MED13L: variants seen among roughly 807,000 people sequenced by gnomAD.
MED13L encodes the protein mediator of RNA polymerase II transcription subunit 13-like.
Under a neutral mutation model 220.9 loss-of-function variants are expected in MED13L, and 7 were observed. The observed-to-expected ratio is 0.03, with a 90% confidence interval of 0.02 to 0.06. The LOEUF (loss-of-function observed/expected upper bound fraction) is 0.06, where lower values mean the gene tolerates loss of function less well. MED13L is among the 10% of genes least tolerant of loss of function. The pLI is 1.00. For synonymous variants in MED13L, 1,011 were observed against 1,015.2 expected, an observed-to-expected ratio of 1.00 and a Z score of 0.08; for missense variants, 1,965 against 2,760.5, an observed-to-expected ratio of 0.71 and a Z score of 6.46.
intron 4 of MED13L, among the ~76,000 whole-genome samples, chr12:116,053,917 A>G (rs1868721674): frequency 6.6e-6 from 1 of 152,288 alleles, no homozygotes; most frequent in South Asian, 2.1e-4. Flanking sequence ...CAAGGAGTTA[A>G]AGTAACTTCC....
intron 4 of MED13L, among the ~76,000 whole-genome samples, chr12:116,043,943 A>C (rs939088732): frequency 1.3e-5 from 2 of 152,262 alleles, no homozygotes; most frequent in African/African-American, 4.8e-5. Flanking sequence ...TCAATGTAAT[A>C]TTCATGTGTA....
intron 2 of MED13L, among the ~76,000 whole-genome samples, chr12:116,152,574 T>C (rs911652203): frequency 5.9e-5 from 9 of 152,052 alleles, no homozygotes; most frequent in East Asian, 1.9e-4. Flanking sequence ...CAGAGGGGCA[T>C]AGAGGTAAAG....
At chr12:116,027,032 C>T (rs1165245287) in intron 4 of MED13L, among the ~76,000 whole-genome samples, 2 of 152,154 alleles carry the variant, frequency 1.3e-5, no homozygotes, top group Admixed American at 6.5e-5. Context: ...ATACACCCAG[C>T]TGTATAAAAT....
intron 2 of MED13L, among the ~76,000 whole-genome samples, chr12:116,157,935 C>T (rs937572510): frequency 2.6e-5 from 4 of 152,292 alleles, no homozygotes; most frequent in Admixed American, 2.6e-4. Flanking sequence ...GCAATGATTA[C>T]ATATAAGATG....
intron 1 of MED13L, among the ~76,000 whole-genome samples, chr12:116,246,615 C>T (rs983447439): frequency 1.3e-5 from 2 of 148,940 alleles, no homozygotes; most frequent in Non-Finnish European, 3.0e-5. Context: ...TGAGACCAGC[C>T]TGGGCAAGAC....
intron 2 of MED13L, among the ~76,000 whole-genome samples, chr12:116,131,164 A>G (rs1048656324): frequency 7.2e-5 from 11 of 152,236 alleles, no homozygotes; most frequent in Admixed American, 5.9e-4. Flanking sequence ...GAACCACTGA[A>G]GAAGACAGTC....
At chr12:116,275,735 T>C (rs1446532135) in intron 1 of MED13L, among the ~76,000 whole-genome samples, 3 of 152,146 alleles carry the variant, frequency 2.0e-5, no homozygotes, top group Non-Finnish European at 4.4e-5. Context: ...CAAAAGGGAC[T>C]CACCTCCCCC....
At chr12:116,040,819 G>T (rs1302931743) in intron 4 of MED13L, among the ~76,000 whole-genome samples, 1 of 151,930 alleles carries the variant, frequency 6.6e-6, no homozygotes, top group East Asian at 1.9e-4. Context: ...AAATGAAAGG[G>T]GATTTTAACT....
chr12:116,177,948 C>T (rs1265862775), intron 2 of MED13L, among the ~76,000 whole-genome samples: 2 of 152,126 alleles, frequency 1.3e-5, no homozygotes, highest in Non-Finnish European at 2.9e-5. Context: ...CTCAATCTCC[C>T]GGGCTCAGGT....
At chr12:116,102,551 A>AC (rs1873144218) in intron 3 of MED13L, among the ~76,000 whole-genome samples, 1 of 151,800 alleles carries the variant, frequency 6.6e-6, no homozygotes, top group Non-Finnish European at 1.5e-5. Context: ...CCTTTTGCTC[A>AC]CCATTCCAAT....
At chr12:116,185,476 T>C (rs906504643) in intron 2 of MED13L, among the ~76,000 whole-genome samples, 1 of 152,006 alleles carries the variant, frequency 6.6e-6, no homozygotes, top group Admixed American at 6.6e-5. Context: ...TATTAGGTAA[T>C]ACCTGACGAA....
rs535496199 is a variant in MED13L at position 116,270,056 on chromosome 12, C to G, written c.72+7004G>C. 7.5e-4 allele frequency among the ~76,000 whole-genome samples: 113 copies of G among 151,040 alleles called. 1 individual carries two copies. The Middle Eastern group carries it at 0.017, about 23-fold the overall frequency. On this transcript the variant is annotated intron_variant, in intron 1 of 30. Transcript: ENST00000281928. ...CTCCAACAAAGATAACCAAAACATGCTAATATAAATGCAAGAAAAACAGGA... is the reference window on the plus strand; with the variant it reads ...CTCCAACAAAGATAACCAAAACATGGTAATATAAATGCAAGAAAAACAGGA...
chr12:116,229,362 T>C (rs1266950558), intron 2 of MED13L, among the ~76,000 whole-genome samples: 3 of 152,242 alleles, frequency 2.0e-5, no homozygotes, highest in African/African-American at 7.2e-5. Context: ...TTACTTTATA[T>C]AAGTAGGTGA....
intron 1 of MED13L, among the ~76,000 whole-genome samples, chr12:116,253,682 C>T (rs1184836827): frequency 1.3e-5 from 2 of 151,234 alleles, no homozygotes; most frequent in Non-Finnish European, 2.9e-5. Flanking sequence ...AAGAACAAAA[C>T]CTATGATCAT....
At chr12:116,142,519 C>CTCTACTAAAAA (rs1877163767) in intron 2 of MED13L, among the ~76,000 whole-genome samples, 1 of 152,052 alleles carries the variant, frequency 6.6e-6, no homozygotes, top group Non-Finnish European at 1.5e-5. Context: ...GAAACCCCAT[C>CTCTACTAAAAA]TCTACTAAAA....
intron 1 of MED13L, among the ~76,000 whole-genome samples, chr12:116,238,413 A>G (rs1870302250): frequency 6.6e-6 from 1 of 152,278 alleles, no homozygotes; most frequent in African/African-American, 2.4e-5. Flanking sequence ...GATCCATTAC[A>G]TACGTTTATA....
intron 19 of MED13L, 44 bp from the exon 20 acceptor site, chr12:115,984,416 C>A: frequency 6.2e-7 from 1 of 1,601,436 alleles, no homozygotes; most frequent in Non-Finnish European, 8.5e-7. Flanking sequence ...GGAGCCATTC[C>A]TTCATTCAGT....
chr12:116,065,030 G>A (rs998195258), intron 4 of MED13L, among the ~76,000 whole-genome samples: 4 of 152,114 alleles, frequency 2.6e-5, no homozygotes, highest in African/African-American at 9.7e-5. Context: ...AAACAACACA[G>A]ATTGTACCCA....
At chr12:116,228,694 CAGA>C (rs1277104772) in intron 2 of MED13L, among the ~76,000 whole-genome samples, 3 of 152,144 alleles carry the variant, frequency 2.0e-5, no homozygotes, top group African/African-American at 7.2e-5. Context: ...TGCTTATAAG[CAGA>C]AGGTGTTATT....
Sources: allele counts gnomAD v4.1 joint callset (sites outside exome capture counted in the v4.1 genomes callset), GRCh38; gene constraint gnomAD v4.1.1; transcripts MANE v1.5; gene names NCBI Gene and HGNC (gene_info 2026-07-23, HGNC 2026-07-21).